The following TCF7L2 variants were observed in gnomAD, a reference collection of about 807,000 sequenced individuals.
TCF7L2 encodes the protein transcription factor 7-like 2.
Under a neutral mutation model 77.9 loss-of-function variants are expected in TCF7L2, and 23 were observed. That is an observed-to-expected ratio of 0.30 (90% CI 0.21 to 0.42). The LOEUF is 0.42. Ranked by LOEUF, TCF7L2 falls within the 10% of genes least tolerant of loss-of-function variation. The pLI is 1.00. For synonymous variants in TCF7L2, 413 were observed against 340.2 expected, an observed-to-expected ratio of 1.21 and a Z score of -2.36; for missense variants, 654 against 793.1, an observed-to-expected ratio of 0.82 and a Z score of 2.11.
chr10:112,964,635 C>T lies in TCF7L2; in HGVS notation c.450+11C>T, dbSNP rs1442135547. The T allele has an allele frequency of 3.1e-6, 5 of 1,611,482 alleles. No homozygotes were observed. Among genetic ancestry groups the T allele is most frequent in the East Asian group, 4.5e-5 (2 of 44,820 alleles). On this transcript the variant is annotated intron_variant, in intron 4 of 13. Transcript: ENST00000627217. ...CAGATTGCAGTTCAGGTAGGAAACG[C>T]AAGAGATTCTGAAGCTTGAATTGTC...
At chr10:112,956,253 A>G (rs558977513) in intron 3 of TCF7L2, among the ~76,000 whole-genome samples, 18 of 151,970 alleles carry the variant, frequency 1.2e-4, no homozygotes, top group African/African-American at 3.9e-4. Flanking sequence ...GTATGAGACA[A>G]CCTGGATTTA....
intron 4 of TCF7L2, among the ~76,000 whole-genome samples, chr10:112,984,410 G>A (rs1489312321): frequency 6.6e-6 from 1 of 151,956 alleles, no homozygotes; most frequent in Non-Finnish European, 1.5e-5. Context: ...AATTTGTCCC[G>A]GGCATTCTGG....
chr10:113,035,691 C>G lies in TCF7L2; in HGVS notation c.451-4334C>G, dbSNP rs186226348. Among the ~76,000 whole-genome samples the G allele has an allele frequency of 4.7e-3, 719 of 152,328 alleles. 5 individuals carry two copies. Among genetic ancestry groups the G allele is most frequent in the Non-Finnish European group, 6.4e-3 (434 of 68,028 alleles). On this transcript the variant is annotated intron_variant, in intron 4 of 13. Coordinates refer to ENST00000627217, the MANE Select transcript of TCF7L2 (RefSeq NM_001146274.2). The stretch of plus-strand genomic sequence containing the variant: ...GGACTACAGGCCTGAGCCGCTGCAT[C>G]CAGCACTTTTATTATTTTTAAATGG...
chr10:113,045,644 A>G (rs2053309294), intron 5 of TCF7L2, among the ~76,000 whole-genome samples: 2 of 152,024 alleles, frequency 1.3e-5, no homozygotes, highest in South Asian at 4.1e-4. Flanking sequence ...TCATTGACAT[A>G]TGGTGGGGAG....
chr10:113,140,388 C>A (rs1194369330), intron 5 of TCF7L2, among the ~76,000 whole-genome samples: 1 of 152,038 alleles, frequency 6.6e-6, no homozygotes, highest in Non-Finnish European at 1.5e-5. Context: ...CCTTCCCAAA[C>A]ACAAAAATGC....
At chr10:113,012,963 G>A (rs1461489802) in intron 4 of TCF7L2, among the ~76,000 whole-genome samples, 2 of 152,074 alleles carry the variant, frequency 1.3e-5, no homozygotes, top group African/African-American at 4.8e-5. Context: ...GAACCCATGT[G>A]GGGTCTTCTC....
intron 5 of TCF7L2, among the ~76,000 whole-genome samples, chr10:113,123,209 C>G (rs796407721): frequency 5.9e-5 from 9 of 152,296 alleles, no homozygotes; most frequent in African/African-American, 2.2e-4. Context: ...AGTGCTGATG[C>G]GGTCGTGCTG....
At chr10:113,003,732 G>C (rs956172899) in intron 4 of TCF7L2, among the ~76,000 whole-genome samples, 2 of 152,170 alleles carry the variant, frequency 1.3e-5, no homozygotes, top group African/African-American at 4.8e-5. Context: ...TTTTCTTTTA[G>C]GGAACTTGCT....
chr10:113,011,013 A>C (rs942722007), intron 4 of TCF7L2, among the ~76,000 whole-genome samples: 1 of 152,224 alleles, frequency 6.6e-6, no homozygotes, highest in Admixed American at 6.5e-5. Flanking sequence ...TCTCAAAAAA[A>C]AGAAAAAAAA....
At chr10:113,018,444 C>CTTT (rs35916053) in intron 4 of TCF7L2, among the ~76,000 whole-genome samples, 1,297 of 92,498 alleles carry the variant, frequency 0.014, 66 homozygotes, top group African/African-American at 0.049. Flanking sequence ...CTCCTGAGTC[C>CTTT]TTTTTTTTTT....
At chr10:113,013,114 GTT>G (rs35964949) in intron 4 of TCF7L2, among the ~76,000 whole-genome samples, 43,293 of 108,812 alleles carry the variant, frequency 0.4, 8,126 homozygotes, top group African/African-American at 0.49. Flanking sequence ...TAAGCAAGTG[GTT>G]TTTTTTTTTT....
Position 113,054,728 on chromosome 10 carries a change from T to TAAAAAG in TCF7L2, c.552+14602_552+14603insAAAAAG, listed in dbSNP as rs199813439. On this transcript the variant is annotated intron_variant, in intron 5 of 13. Transcript: ENST00000627217. ...TAATATGAAAACCGAGTTCAGGTTT[T>TAAAAAG]TATACTTTTCGACATCTATTTATAT... 6.3e-3 allele frequency among the ~76,000 whole-genome samples: 952 copies of TAAAAAG among 152,308 alleles called. 13 individuals carry two copies. The highest frequency in any genetic ancestry group is 0.022 in the African/African-American group (922 of 41,564).
At chr10:113,100,294 C>T (rs748437486) in intron 5 of TCF7L2, among the ~76,000 whole-genome samples, 4 of 152,170 alleles carry the variant, frequency 2.6e-5, no homozygotes, top group Non-Finnish European at 5.9e-5. Flanking sequence ...TGATAGGGTA[C>T]TTTAGAAAGC....
Position 113,166,136 on chromosome 10 carries a change from C to A in TCF7L2, c.*164C>A. ...CGAGTTCATTGGTCAATATTTGACCCATTCTTATTTCAATTTCTCCTTTTA... is the reference window on the plus strand; with the variant it reads ...CGAGTTCATTGGTCAATATTTGACCAATTCTTATTTCAATTTCTCCTTTTA... On this transcript the variant is annotated 3_prime_UTR_variant, in exon 14 of 14. Transcript: ENST00000627217. 1.7e-6 allele frequency: 1 copy of A among 579,302 alleles called. No homozygotes were observed. The highest frequency in any genetic ancestry group is 2.6e-6 in the Non-Finnish European group (1 of 386,098). 35.9% of individuals were successfully genotyped at this position (579,302 alleles called of 1,614,324 possible).
intron 5 of TCF7L2, among the ~76,000 whole-genome samples, chr10:113,072,776 G>T (rs1008382870): frequency 6.6e-6 from 1 of 152,184 alleles, no homozygotes; most frequent in African/African-American, 2.4e-5. Flanking sequence ...GACTCGGGCT[G>T]TTGTGTATTG....
rs80244495 is a variant in TCF7L2, at chr10:113,013,275, C to T, written c.451-26750C>T. On this transcript the variant is annotated intron_variant, in intron 4 of 13. Coordinates refer to ENST00000627217, the MANE Select transcript of TCF7L2 (RefSeq NM_001146274.2). ...CTGGGACTACAGGCGTGCGCCCCCA[C>T]ACCTGGCTAAGTTTTGTCTTTTTAG... Among the ~76,000 whole-genome samples, 1,189 of 152,230 alleles carry T rather than the reference C, an allele frequency of 7.8e-3. 15 individuals are homozygous for T. The highest frequency in any genetic ancestry group is 0.027 in the African/African-American group (1,133 of 41,536).
intron 4 of TCF7L2, among the ~76,000 whole-genome samples, chr10:112,995,645 TCTC>T (rs1159871538): frequency 2.0e-5 from 3 of 152,082 alleles, no homozygotes; most frequent in Non-Finnish European, 4.4e-5. Flanking sequence ...CAAATTATCT[TCTC>T]CTAAGCCCAC....
intron 5 of TCF7L2, among the ~76,000 whole-genome samples, chr10:113,043,919 T>C (rs2052947511): frequency 6.6e-6 from 1 of 152,152 alleles, no homozygotes; most frequent in African/African-American, 2.4e-5. Context: ...ACAAAGACTT[T>C]CATTTAGCCT....
intron 5 of TCF7L2, among the ~76,000 whole-genome samples, chr10:113,126,390 C>T (rs891875883): frequency 6.6e-6 from 1 of 152,106 alleles, no homozygotes; most frequent in African/African-American, 2.4e-5. Flanking sequence ...GCTATTAAAG[C>T]GTAATTTCAC....
Sources: allele counts gnomAD v4.1 joint callset (sites outside exome capture counted in the v4.1 genomes callset), GRCh38; gene constraint gnomAD v4.1.1; transcripts MANE v1.5; gene names NCBI Gene and HGNC (gene_info 2026-07-23, HGNC 2026-07-21).